Variants in SELENOK observed in about 807,000 individuals in gnomAD.
The protein encoded by SELENOK is selenoprotein K.
Under a neutral mutation model 17.3 loss-of-function variants are expected in SELENOK, and 11 were observed. The ratio of observed to expected loss-of-function variants is 0.63; its 90% CI spans 0.40 to 1.05. The LOEUF is 1.05. SELENOK is among the 50% of genes least tolerant of loss of function. SELENOK has a pLI of 0.00. For synonymous variants in SELENOK, 45 were observed against 35.4 expected (o/e 1.27, Z -0.97); for missense variants, 125 against 113.9 (o/e 1.10, Z -0.44).
intron 2 of SELENOK, among the ~76,000 whole-genome samples, chr3:53,887,589 A>C (rs1700136215): frequency 6.6e-6 from 1 of 152,182 alleles, no homozygotes. Flanking sequence ...ACCACAGCTA[A>C]GATCAAATTA....
intron 1 of SELENOK, 36 bp downstream of exon 1, chr3:53,891,734 G>A: frequency 1.2e-6 from 2 of 1,613,268 alleles, no homozygotes; most frequent in Non-Finnish European, 1.7e-6. Context: ...GATCTTACAA[G>A]TCACCGGTCG....
intron 3 of SELENOK, among the ~76,000 whole-genome samples, chr3:53,886,357 C>A (rs922130962): frequency 5.3e-5 from 8 of 152,176 alleles, no homozygotes; most frequent in African/African-American, 1.9e-4. Flanking sequence ...CTGCCTCAGC[C>A]TCCTGAGTAG....
Position 53,885,875 on chromosome 3 carries a change from TG to T in SELENOK, c.231del (p.Asn78IlefsTer22). 1 of 1,574,332 alleles carries T rather than the reference TG, an allele frequency of 6.4e-7. No individual in the cohort carries two copies. The highest frequency in any genetic ancestry group is 8.6e-7 in the Non-Finnish European group (1 of 1,163,410). On this transcript the variant is annotated frameshift_variant, in exon 4 of 5. Transcript: ENST00000495461. LOFTEE classifies it high-confidence loss of function. Reference sequence around the variant, plus strand: ...GGGGGACTAGGGCCACGCAGATGATTGATTCTACCCATTCTTCGGGGAGGGT... The same window carrying T: ...GGGGGACTAGGGCCACGCAGATGATTATTCTACCCATTCTTCGGGGAGGGT... ...PGNPPRRMGR[I>X]NHLRGPSPPP...
At chr3:53,891,445 A>T (rs539185897) in intron 1 of SELENOK, among the ~76,000 whole-genome samples, 1 of 152,342 alleles carries the variant, frequency 6.6e-6, no homozygotes, top group East Asian at 1.9e-4. Flanking sequence ...CATTGTCCTT[A>T]CTAGTTTTAA....
chr3:53,891,064 G>A (rs533495639), intron 1 of SELENOK: 2 of 152,312 alleles, frequency 1.3e-5, no homozygotes, highest in Admixed American at 6.5e-5. Flanking sequence ...CTTGCTCCTA[G>A]GGGAAGATAG....
intron 1 of SELENOK, among the ~76,000 whole-genome samples, chr3:53,890,756 T>C (rs559117870): frequency 3.9e-5 from 6 of 152,270 alleles, no homozygotes; most frequent in Non-Finnish European, 7.4e-5. Context: ...AAGTGGGAGA[T>C]GAGAAGGGGA....
intron 1 of SELENOK, among the ~76,000 whole-genome samples, chr3:53,890,624 T>A (rs1376338045): frequency 6.6e-6 from 1 of 152,248 alleles, no homozygotes; most frequent in Non-Finnish European, 1.5e-5. Flanking sequence ...GCCTTAAGCT[T>A]ATATCACAAA....
chr3:53,891,288 T>C (rs1343061728), intron 1 of SELENOK, among the ~76,000 whole-genome samples: 1 of 152,150 alleles, frequency 6.6e-6, no homozygotes, highest in Non-Finnish European at 1.5e-5. Context: ...GCCATTAAGT[T>C]ACCTCTGTGA....
At position 53,891,810 on chromosome 3, in the gene SELENOK, G is replaced by A. The variant is rs778256279; in HGVS notation, c.-22C>T. 4.3e-6 allele frequency: 7 copies of A among 1,613,786 alleles called. No homozygotes were observed. Among genetic ancestry groups the A allele is most frequent in the African/African-American group, 2.7e-5 (2 of 74,950 alleles). On this transcript the variant is annotated 5_prime_UTR_variant, in exon 1 of 5. Coordinates refer to ENST00000495461, the MANE Select transcript of SELENOK (RefSeq NM_021237.5). ...CCATCTTGTCCCACTTCCCCGCTTC[G>A]GAGCCACCGGGCGCCTGGCCCCTGT...
At chr3:53,887,747 A>G (rs1427981799) in intron 2 of SELENOK, among the ~76,000 whole-genome samples, 3 of 152,212 alleles carry the variant, frequency 2.0e-5, no homozygotes, top group African/African-American at 7.2e-5. Flanking sequence ...ACTCAATGAA[A>G]AAAGGGTCTC....
At chr3:53,889,121 A>G (rs1385051232) in intron 1 of SELENOK, among the ~76,000 whole-genome samples, 1 of 152,194 alleles carries the variant, frequency 6.6e-6, no homozygotes, top group Non-Finnish European at 1.5e-5. Context: ...AAATGTAACA[A>G]TGGTTACCAA....
In SELENOK at chr3:53,888,556, T is replaced by C. The variant is rs560821192; in HGVS notation, c.20-73A>G. 114 of 1,013,424 alleles carry C rather than the reference T, an allele frequency of 1.1e-4. 1 individual carries two copies. The highest frequency in any genetic ancestry group is 4.2e-4 in the Admixed American group (22 of 52,022). The allele number at this position is 1,013,424 out of a possible 1,614,324, so 62.8% of individuals were successfully genotyped here. A position where few individuals can be genotyped will look rare whatever the true frequency, so the allele number is the denominator to read the frequency against. On this transcript the variant is annotated intron_variant, in intron 1 of 4. Transcript: ENST00000495461. ...ACCCAAGAGGCATCACATTTAATTA[T>C]TGAGGTAACAATGATTGGGGTTTTA...
chr3:53,891,791 T>C lies in SELENOK; in HGVS notation c.-3A>G, dbSNP rs1700172346. The C allele has an allele frequency of 1.2e-6, 2 of 1,614,004 alleles. No homozygotes were observed. Among genetic ancestry groups the C allele is most frequent in the South Asian group, 1.1e-5 (1 of 91,088 alleles). On this transcript the variant is annotated 5_prime_UTR_variant, in exon 1 of 5. Transcript: ENST00000495461. ...TTACCGTTCGAGATGTAAACCATCTTGTCCCACTTCCCCGCTTCGGAGCCA... is the reference window on the plus strand; with the variant it reads ...TTACCGTTCGAGATGTAAACCATCTCGTCCCACTTCCCCGCTTCGGAGCCA...
chr3:53,887,279 A>G (rs981724748), intron 2 of SELENOK, among the ~76,000 whole-genome samples: 1 of 152,208 alleles, frequency 6.6e-6, no homozygotes, highest in South Asian at 2.1e-4. Context: ...TCTACCTAAC[A>G]TCTTAGGGAA....
chr3:53,887,439 TAA>T, intron 2 of SELENOK, among the ~76,000 whole-genome samples: 1 of 152,368 alleles, frequency 6.6e-6, no homozygotes, highest in Middle Eastern at 3.4e-3. Flanking sequence ...GTGAAATTTG[TAA>T]AAGAGTTAAG....
chr3:53,889,715 A>G (rs1700154112), intron 1 of SELENOK, among the ~76,000 whole-genome samples: 1 of 152,252 alleles, frequency 6.6e-6, no homozygotes, highest in Non-Finnish European at 1.5e-5. Context: ...CTGTATAAAA[A>G]GATTGCGTAT....
chr3:53,888,136 T>C (rs1288648179), intron 2 of SELENOK: 2 of 300,334 alleles, frequency 6.7e-6, no homozygotes, highest in Admixed American at 1.0e-4. Flanking sequence ...GACCCAGCCA[T>C]AGGTTGAAGT....
intron 1 of SELENOK, 89 bp from the exon 2 acceptor site, chr3:53,888,572 TG>T (rs1239037828): frequency 3.3e-6 from 3 of 907,776 alleles, no homozygotes; most frequent in Non-Finnish European, 5.3e-6. Context: ...TAACAATGAT[TG>T]GGGTTTTAAC....
chr3:53,885,691 G>C, intron 4 of SELENOK, 130 bp from the exon 5 acceptor site: 1 of 1,229,020 alleles, frequency 8.1e-7, no homozygotes, highest in Non-Finnish European at 1.2e-6. Context: ...AATTTTTCAA[G>C]GGTTAAGATA....
Sources: allele counts gnomAD v4.1 joint callset (sites outside exome capture counted in the v4.1 genomes callset), GRCh38; gene constraint gnomAD v4.1.1; transcripts MANE v1.5; gene names NCBI Gene and HGNC (gene_info 2026-07-23, HGNC 2026-07-21).